The following MTO1 variants were observed in gnomAD, a reference collection of about 807,000 sequenced individuals.
The protein encoded by MTO1 is 5-taurinomethyluridine-[tRNA] synthase subunit MTO1, mitochondrial.
In MTO1, 46 loss-of-function variants were observed where a neutral mutation model predicts 71.6. The observed-to-expected ratio is 0.64, with a 90% CI of 0.51 to 0.82. The LOEUF (loss-of-function observed/expected upper bound fraction) is 0.82, where lower values mean the gene tolerates loss of function less well. Ranked by LOEUF, MTO1 falls within the 40% of genes least tolerant of loss-of-function variation. The pLI is 0.00. For missense variants in MTO1, 773 were observed against 867.5 expected (o/e 0.89, Z 1.37); for synonymous variants, 297 against 312.1 (o/e 0.95, Z 0.51).
rs556584679 is a variant in MTO1 at position 73,472,462 on chromosome 6, G to A, written c.536-903G>A. 2.0e-5 allele frequency among the ~76,000 whole-genome samples: 3 copies of A among 152,258 alleles called. No individual in the cohort carries two copies. In the East Asian group the frequency reaches 5.8e-4, roughly 29 times the overall value. On this transcript the variant is annotated intron_variant, in intron 3 of 11. Coordinates refer to ENST00000498286, the MANE Select transcript of MTO1 (RefSeq NM_012123.4). Reference sequence around the variant, plus strand: ...AGTGCTGATATGATTTTAGGTACATGTGAATTGGTGATAACACATTGTATT... The same window carrying A: ...AGTGCTGATATGATTTTAGGTACATATGAATTGGTGATAACACATTGTATT...
Position 73,473,414 on chromosome 6 carries a change from A to G in MTO1, c.585A>G (p.Thr195=). Residue 195 remains threonine, a synonymous_variant, in exon 4 of 12, where the codon ACA becomes ACG. Coordinates refer to ENST00000498286, the MANE Select transcript of MTO1 (RefSeq NM_012123.4). ...YAESVILTTG[T]FLRGMIVIGL... The stretch of plus-strand genomic sequence containing the variant: ...AGAGTGTGATTCTGACTACTGGGAC[A>G]TTTCTGAGAGGCATGATTGTAATTG... 6.2e-7 allele frequency: 1 copy of G among 1,614,162 alleles called. No homozygotes were observed. Among genetic ancestry groups the G allele is most frequent in the South Asian group, 1.1e-5 (1 of 91,084 alleles).
intron 1 of MTO1, 130 bp from the exon 2 acceptor site, chr6:73,466,079 A>G (rs1334831937): frequency 5.6e-6 from 5 of 898,458 alleles, no homozygotes; most frequent in South Asian, 3.4e-5. Flanking sequence ...TCTTTGTAGT[A>G]TATCTTTCAC....
chr6:73,472,827 A>G (rs1027800600), intron 3 of MTO1, among the ~76,000 whole-genome samples: 1 of 152,156 alleles, frequency 6.6e-6, no homozygotes, highest in African/African-American at 2.4e-5. Flanking sequence ...CATACTCTAA[A>G]TATATACAGT....
At position 73,471,718 on chromosome 6, in the gene MTO1, G is replaced by A. The variant is rs79476670; in HGVS notation, c.536-1647G>A. ...TAGTCATGAGCCACTGAGCCTGGCCGATTTAATTTAATATCTTTAAATGCT... is the reference window on the plus strand; with the variant it reads ...TAGTCATGAGCCACTGAGCCTGGCCAATTTAATTTAATATCTTTAAATGCT... On this transcript the variant is annotated intron_variant, in intron 3 of 11. Coordinates refer to ENST00000498286, the MANE Select transcript of MTO1 (RefSeq NM_012123.4). 8.5e-3 allele frequency: 1,373 copies of A among 161,330 alleles called. 20 individuals are homozygous for A. The highest frequency in any genetic ancestry group is 0.03 in the African/African-American group (1,248 of 41,580). 10.0% of individuals were successfully genotyped at this position (161,330 alleles called of 1,614,324 possible). A position where few individuals can be genotyped will look rare whatever the true frequency, so the allele number is the denominator to read the frequency against.
rs1419409827 is a variant in MTO1, at chr6:73,502,887, C to T, written c.*2152C>T. On this transcript the variant is annotated 3_prime_UTR_variant, in exon 12 of 12. Coordinates refer to ENST00000498286, the MANE Select transcript of MTO1 (RefSeq NM_012123.4). ...ACTCCAGCCTGGCAACAGAGTGAGA[C>T]TCTGTCTCAAAAAAAAAAAAAGAAA... The T allele has an allele frequency of 1.4e-5, 2 of 146,404 alleles. No individual in the cohort carries two copies. The highest frequency in any genetic ancestry group is 2.5e-5 in the African/African-American group (1 of 40,066). The allele number at this position is 146,404 out of a possible 1,614,324, so 9.1% of individuals were successfully genotyped here.
intron 4 of MTO1, among the ~76,000 whole-genome samples, chr6:73,479,223 G>A (rs565122067): frequency 5.9e-5 from 9 of 151,760 alleles, no homozygotes; most frequent in African/African-American, 1.9e-4. Flanking sequence ...GGCCAGGCAC[G>A]GTGGCTCACA....
At chr6:73,479,292 C>T (rs1193210084) in intron 4 of MTO1, among the ~76,000 whole-genome samples, 2 of 151,642 alleles carry the variant, frequency 1.3e-5, no homozygotes, top group South Asian at 2.1e-4. Flanking sequence ...GTCAAGAGTT[C>T]GAGACCAGCC....
chr6:73,488,191 A>C (rs1470217549), intron 9 of MTO1, among the ~76,000 whole-genome samples: 3 of 151,916 alleles, frequency 2.0e-5, no homozygotes, highest in Non-Finnish European at 2.9e-5. Context: ...TTTTTTTTCC[A>C]GAGACAGGGT....
chr6:73,508,629 A>C lies in MTO1; in HGVS notation c.*7894A>C, dbSNP rs2150048864. ...AGAGGTATTATAGCTCTGAAGAAAA[A>C]TACTGATGAGCAGTTATACAAAATG... On this transcript the variant is annotated 3_prime_UTR_variant, in exon 12 of 12. Coordinates refer to ENST00000498286, the MANE Select transcript of MTO1 (RefSeq NM_012123.4). 1 of 152,340 alleles carries C rather than the reference A, an allele frequency of 6.6e-6. No individual in the cohort carries two copies. The allele number at this position is 152,340 out of a possible 1,614,324, so 9.4% of individuals were successfully genotyped here.
At chr6:73,467,639 A>AAATAAATC (rs1284649298) in intron 3 of MTO1, among the ~76,000 whole-genome samples, 1 of 151,386 alleles carries the variant, frequency 6.6e-6, no homozygotes, top group Admixed American at 6.6e-5. Context: ...ATAAATAAAT[A>AAATAAATC]AATATAAAAG....
intron 4 of MTO1, among the ~76,000 whole-genome samples, chr6:73,476,944 C>T (rs967334743): frequency 6.6e-6 from 1 of 151,976 alleles, no homozygotes; most frequent in Non-Finnish European, 1.5e-5. Context: ...CCCGCCAACA[C>T]GCCTGACTAA....
In MTO1 at chr6:73,504,160, C is replaced by T. The variant is rs1394631877; in HGVS notation, c.*3425C>T. ...TAATGTTTTTATTTAGAGACAAGAT[C>T]TCACTCTGCCACCCTGGCTGGAGTG... is the stretch of plus-strand genomic sequence containing the variant. On this transcript the variant is annotated 3_prime_UTR_variant, in exon 12 of 12. Coordinates refer to ENST00000498286, the MANE Select transcript of MTO1 (RefSeq NM_012123.4). 6.6e-6 allele frequency: 1 copy of T among 152,218 alleles called. No individual in the cohort carries two copies. Among genetic ancestry groups the T allele is most frequent in the African/African-American group, 2.4e-5 (1 of 41,436 alleles). The allele number at this position is 152,218 out of a possible 1,614,324, so 9.4% of individuals were successfully genotyped here.
chr6:73,473,764 T>TAAGCAATAG, intron 4 of MTO1, 110 bp downstream of exon 4: 1 of 819,414 alleles, frequency 1.2e-6, no homozygotes, highest in Non-Finnish European at 1.9e-6. Flanking sequence ...TATAGCACTA[T>TAAGCAATAG]TGCTTATAGT....
intron 9 of MTO1, among the ~76,000 whole-genome samples, chr6:73,490,051 A>G (rs149735778): frequency 0.035 from 5,303 of 152,148 alleles, 299 homozygotes; most frequent in African/African-American, 0.12. Context: ...GATGATGAGC[A>G]TTTTTTCGTG....
chr6:73,475,945 GC>G (rs1230745581), intron 4 of MTO1, among the ~76,000 whole-genome samples: 3 of 152,086 alleles, frequency 2.0e-5, no homozygotes, highest in Non-Finnish European at 2.9e-5. Flanking sequence ...AAAGGCAGCC[GC>G]CCCCTTGCCC....
Position 73,505,983 on chromosome 6 carries a change from CT to C in MTO1, c.*5258del, listed in dbSNP as rs527328945. The C allele has an allele frequency of 4.0e-5, 6 of 149,844 alleles. No individual in the cohort carries two copies. Among genetic ancestry groups the C allele is most frequent in the East Asian group, 1.9e-4 (1 of 5,130 alleles). The allele number at this position is 149,844 out of a possible 1,614,324, so 9.3% of individuals were successfully genotyped here. A position where few individuals can be genotyped will look rare whatever the true frequency, so the allele number is the denominator to read the frequency against. On this transcript the variant is annotated 3_prime_UTR_variant, in exon 12 of 12. Transcript: ENST00000498286. Reference sequence around the variant, plus strand: ...TGGTTACGATGGAATTTTTCTTTTTCTTTTTTTTTTCTTGAGACGGAGTCTC... The same window carrying C: ...TGGTTACGATGGAATTTTTCTTTTTCTTTTTTTTTCTTGAGACGGAGTCTC...
At chr6:73,498,753 TCTCACTCTGTCACCAGGCTGGA>T (rs1772069918) in intron 11 of MTO1, among the ~76,000 whole-genome samples, 1 of 151,448 alleles carries the variant, frequency 6.6e-6, no homozygotes, top group Non-Finnish European at 1.5e-5. Context: ...TGAAATGGAG[TCTCACTCTGTCACCAGGCTGGA>T]GTGCAGTGGA....
chr6:73,480,214 C>T (rs1307063052), intron 6 of MTO1, 88 bp downstream of exon 6: 11 of 1,279,018 alleles, frequency 8.6e-6, no homozygotes, highest in East Asian at 2.3e-5. Flanking sequence ...CATTGTTGTT[C>T]AGAGCCTCAG....
In MTO1 at chr6:73,497,789, C is replaced by T; in HGVS notation, c.1810C>T (p.Gln604Ter). The T allele has an allele frequency of 1.2e-6, 2 of 1,613,882 alleles. No individual in the cohort carries two copies. Among genetic ancestry groups the T allele is most frequent in the South Asian group, 1.1e-5 (1 of 91,066 alleles). The stretch of plus-strand genomic sequence containing the variant: ...ACTACAAGAAATAAAGGGAGTTCAG[C>T]AAGATGAAGCTCTCCAACTGCCAAA... Reference protein sequence around the residue: ...HQLQEIKGVQQDEALQLPKDL... With the variant: ...HQLQEIKGVQ The change falls in exon 11 of 12, where the codon CAA becomes TAA. Residue 604 changes from glutamine (Q) to a stop codon, truncating the protein, a stop_gained. Coordinates refer to ENST00000498286, the MANE Select transcript of MTO1 (RefSeq NM_012123.4). LOFTEE classifies it high-confidence loss of function.
Sources: gnomAD v4.1 joint callset for allele counts (sites outside exome capture counted in the v4.1 genomes callset) on GRCh38, gnomAD v4.1.1 for gene constraint, MANE v1.5 for transcripts, NCBI Gene and HGNC (gene_info 2026-07-23, HGNC 2026-07-21) for gene names.